ARID4B: variants seen among roughly 807,000 people sequenced by gnomAD.
ARID4B encodes AT-rich interactive domain-containing protein 4B.
Under a neutral mutation model 147.5 loss-of-function variants are expected in ARID4B, and 26 were observed. That is an observed-to-expected ratio of 0.18 (90% confidence interval 0.13 to 0.24). The LOEUF (loss-of-function observed/expected upper bound fraction) is 0.24, where lower values mean the gene tolerates loss of function less well. Ranked by LOEUF, ARID4B falls within the 10% of genes least tolerant of loss-of-function variation. The probability of loss-of-function intolerance (pLI) is 1.00; values close to 1 mark genes in which losing one functional copy is unlikely to be tolerated. For synonymous variants in ARID4B, 512 were observed against 507.9 expected (o/e 1.01, Z -0.11); for missense variants, 1,179 against 1,511.5 (o/e 0.78, Z 3.65).
At chr1:235,185,206 A>G (rs1664592425) in intron 19 of ARID4B, among the ~76,000 whole-genome samples, 1 of 152,154 alleles carries the variant, frequency 6.6e-6, no homozygotes, top group African/African-American at 2.4e-5. Flanking sequence ...TCCTTTCTAT[A>G]TATAGTTATC....
rs767870600 is a variant in ARID4B at position 235,223,265 on chromosome 1, T to C, written c.971-5A>G. On this transcript the variant is annotated splice_region_variant and splice_polypyrimidine_tract_variant and intron_variant, in intron 12 of 23. Coordinates refer to ENST00000264183, the MANE Select transcript of ARID4B (RefSeq NM_016374.6). ...GTCGTTTGTTAATAGGTGTACCTGT[T>C]ACAGAAAACACAAACTATATTAGAT... is the stretch of plus-strand genomic sequence containing the variant. 3.3e-6 allele frequency: 5 copies of C among 1,501,336 alleles called. No homozygotes were observed. Among genetic ancestry groups the C allele is most frequent in the Non-Finnish European group, 3.6e-6 (4 of 1,109,854 alleles). 93.0% of individuals were successfully genotyped at this position (1,501,336 alleles called of 1,614,324 possible).
intron 22 of ARID4B, among the ~76,000 whole-genome samples, chr1:235,173,459 C>T (rs1051567303): frequency 6.6e-6 from 1 of 151,750 alleles, no homozygotes; most frequent in African/African-American, 2.4e-5. Context: ...CTCTTCTGTT[C>T]TCTGTTATTT....
At chr1:235,200,231 T>C (rs894290035) in intron 17 of ARID4B, among the ~76,000 whole-genome samples, 1 of 150,796 alleles carries the variant, frequency 6.6e-6, no homozygotes, top group African/African-American at 2.4e-5. Context: ...GAGGCAGAGG[T>C]GGGCAGATCA....
chr1:235,228,022 G>C (rs535034055), intron 11 of ARID4B, among the ~76,000 whole-genome samples: 1 of 151,848 alleles, frequency 6.6e-6, no homozygotes, highest in Admixed American at 6.6e-5. Flanking sequence ...TTTAGTAAGA[G>C]ACGGGGTTTC....
At chr1:235,175,552 T>C in intron 21 of ARID4B, 153 bp from the exon 22 acceptor site, 2 of 640,448 alleles carry the variant, frequency 3.1e-6, no homozygotes, top group South Asian at 4.0e-5. Context: ...TGCAGCAGCA[T>C]CTTAGGAAAA....
chr1:235,215,547 ATGTGTGTG>A (rs370429662), intron 16 of ARID4B, among the ~76,000 whole-genome samples: 3 of 136,450 alleles, frequency 2.2e-5, no homozygotes, highest in Non-Finnish European at 3.1e-5. Context: ...ACACATATAT[ATGTGTGTG>A]TGTGTGTGTG....
At chr1:235,298,672 TAGC>T (rs1408474871) in intron 2 of ARID4B, among the ~76,000 whole-genome samples, 1 of 151,862 alleles carries the variant, frequency 6.6e-6, no homozygotes, top group Non-Finnish European at 1.5e-5. Context: ...AATATTTGTT[TAGC>T]AGAATTGTAT....
chr1:235,256,544 T>C (rs983280457), intron 4 of ARID4B, among the ~76,000 whole-genome samples: 1 of 152,204 alleles, frequency 6.6e-6, no homozygotes, highest in Non-Finnish European at 1.5e-5. Context: ...AAAGCAGCAT[T>C]TATTTCACTT....
intron 21 of ARID4B, 84 bp downstream of exon 21, chr1:235,177,716 A>G (rs2102911684): frequency 1.1e-6 from 1 of 870,794 alleles, no homozygotes; most frequent in East Asian, 2.7e-5. Flanking sequence ...GTACTATCCC[A>G]TACCCTGAAT....
Position 235,327,954 on chromosome 1 carries a change from C to G in ARID4B, c.-235G>C, listed in dbSNP as rs1675460549. ...CTGGTACCTTTGTTTGGCGGCCGCT[C>G]GGGCTCCCTGGTTGGGGGGAGGGGG... On this transcript the variant is annotated 5_prime_UTR_variant, in exon 1 of 24. Transcript: ENST00000264183. 2 of 152,660 alleles carry G rather than the reference C, an allele frequency of 1.3e-5. No homozygotes were observed. Among genetic ancestry groups the G allele is most frequent in the Admixed American group, 6.5e-5 (1 of 15,314 alleles). The allele number at this position is 152,660 out of a possible 1,614,324, so 9.5% of individuals were successfully genotyped here.
chr1:235,231,226 ACCC>A, intron 9 of ARID4B, 37 bp from the exon 10 acceptor site: 1 of 1,037,210 alleles, frequency 9.6e-7, no homozygotes, highest in Non-Finnish European at 1.4e-6. Context: ...AAGAAAAAAA[ACCC>A]AAAATATGAC....
chr1:235,231,241 G>A, intron 9 of ARID4B, 52 bp from the exon 10 acceptor site: 1 of 941,238 alleles, frequency 1.1e-6, no homozygotes. Context: ...AAATATGACT[G>A]AGATTAATTA....
At chr1:235,237,832 C>G (rs1366155848) in intron 8 of ARID4B, among the ~76,000 whole-genome samples, 1 of 152,142 alleles carries the variant, frequency 6.6e-6, no homozygotes, top group East Asian at 1.9e-4. Context: ...TTAGCAGATT[C>G]TCAAGCACAA....
intron 8 of ARID4B, among the ~76,000 whole-genome samples, chr1:235,238,611 T>C (rs1005369440): frequency 1.3e-5 from 2 of 152,190 alleles, no homozygotes; most frequent in African/African-American, 2.4e-5. Context: ...ATCCCAGCAC[T>C]CTGGGAAGCC....
At chr1:235,203,520 T>A (rs556290575) in intron 17 of ARID4B, among the ~76,000 whole-genome samples, 1 of 152,300 alleles carries the variant, frequency 6.6e-6, no homozygotes, top group East Asian at 1.9e-4. Context: ...CTCTTTGAAA[T>A]ATGTATAGAT....
chr1:235,253,299 T>C (rs1669756265), intron 5 of ARID4B, among the ~76,000 whole-genome samples: 1 of 152,210 alleles, frequency 6.6e-6, no homozygotes, highest in Non-Finnish European at 1.5e-5. Flanking sequence ...CAGAAAATTC[T>C]CTGTTGTGGC....
intron 2 of ARID4B, among the ~76,000 whole-genome samples, chr1:235,309,190 G>A (rs1673823972): frequency 1.3e-5 from 2 of 149,430 alleles, no homozygotes; most frequent in South Asian, 2.1e-4. Context: ...GGTGAGGAGC[G>A]TCTCTGCCCG....
At chr1:235,224,876 C>A in intron 11 of ARID4B, 101 bp from the exon 12 acceptor site, 1 of 756,924 alleles carries the variant, frequency 1.3e-6, no homozygotes, top group South Asian at 1.8e-5. Context: ...CATTAAAATA[C>A]TTCAAAGGCT....
intron 12 of ARID4B, among the ~76,000 whole-genome samples, chr1:235,223,685 A>ATGTTTTT (rs1667649671): frequency 7.4e-6 from 1 of 134,662 alleles, no homozygotes; most frequent in African/African-American, 2.7e-5. Context: ...GTAAAGCTAC[A>ATGTTTTT]TTTTTTTTTT....
Sources: gnomAD v4.1 joint callset for allele counts (sites outside exome capture counted in the v4.1 genomes callset) on GRCh38, gnomAD v4.1.1 for gene constraint, MANE v1.5 for transcripts, NCBI Gene and HGNC (gene_info 2026-07-23, HGNC 2026-07-21) for gene names.